CPLANE1: variants seen among roughly 807,000 people sequenced by gnomAD.
CPLANE1 encodes ciliogenesis and planar polarity effector 1.
Under a neutral mutation model 362.5 loss-of-function variants are expected in CPLANE1, and 263 were observed. That is an observed-to-expected ratio of 0.73 (90% confidence interval 0.66 to 0.80). CPLANE1 has a LOEUF of 0.80. CPLANE1 is among the 30% of genes least tolerant of loss of function. CPLANE1 has a pLI of 0.00. For missense variants in CPLANE1, 3,461 were observed against 3,793.4 expected (o/e 0.91, Z 2.30); for synonymous variants, 1,212 against 1,302.6 (o/e 0.93, Z 1.50).
intron 8 of CPLANE1, among the ~76,000 whole-genome samples, chr5:37,235,870 CTTTTTTT>C (rs748794675): frequency 1.7e-5 from 2 of 119,376 alleles, no homozygotes; most frequent in South Asian, 5.5e-4. Flanking sequence ...GTGCCCAGCA[CTTTTTTT>C]TTTTTTTTTT....
chr5:37,191,338 C>T (rs990169499), intron 21 of CPLANE1, among the ~76,000 whole-genome samples: 5 of 151,996 alleles, frequency 3.3e-5, no homozygotes, highest in East Asian at 1.9e-4. Context: ...TTTAGACCAG[C>T]GTGAGCAACA....
rs1370814314 is a variant in CPLANE1 at position 37,245,864 on chromosome 5, G to A, written c.82-19C>T. The A allele has an allele frequency of 1.0e-5, 15 of 1,500,038 alleles. No individual in the cohort carries two copies. Among genetic ancestry groups the A allele is most frequent in the Non-Finnish European group, 1.1e-5 (12 of 1,127,916 alleles). The allele number at this position is 1,500,038 out of a possible 1,614,324, so 92.9% of individuals were successfully genotyped here. ...CTTTTTCCTAAGAGAAGAAACATGT[G>A]AAGGACTCAAGAGGTGCCAGAAATT... is the stretch of plus-strand genomic sequence containing the variant. On this transcript the variant is annotated intron_variant, in intron 2 of 52. Coordinates refer to ENST00000651892, the MANE Select transcript of CPLANE1 (RefSeq NM_001384732.1).
the CPLANE1 span, among the ~76,000 whole-genome samples, chr5:37,099,802 C>G: frequency 1.3e-5 from 2 of 151,936 alleles, no homozygotes; most frequent in African/African-American, 4.8e-5. Flanking sequence ...CTCACCAGCA[C>G]CTGTTGTTTC....
chr5:37,169,256 T>C lies in CPLANE1; in HGVS notation c.6768A>G (p.Gln2256=), dbSNP rs763211445. Residue 2256 remains glutamine (Q), a synonymous_variant, in exon 34 of 53, where the codon CAA becomes CAG. Transcript: ENST00000651892. ...CAGATAATCCCCAAGCCTCTCTTGG[T>C]TGTGGCAAAGGCCTGAAGGGAACTT... ...IPQVPFRPLP[Q]PREAWGLSDS... 6 of 1,614,074 alleles carry C rather than the reference T, an allele frequency of 3.7e-6. No individual in the cohort carries two copies. Among genetic ancestry groups the C allele is most frequent in the African/African-American group, 2.7e-5 (2 of 74,934 alleles).
chr5:37,233,328 A>T (rs1194464862), intron 8 of CPLANE1, among the ~76,000 whole-genome samples: 1 of 151,996 alleles, frequency 6.6e-6, no homozygotes, highest in Non-Finnish European at 1.5e-5. Context: ...TGAGACTGAG[A>T]TGTGAGCAGG....
In CPLANE1 at chr5:37,242,931, C is replaced by A. The variant is rs545640434; in HGVS notation, c.677+82G>T. On this transcript the variant is annotated intron_variant, in intron 6 of 52. Coordinates refer to ENST00000651892, the MANE Select transcript of CPLANE1 (RefSeq NM_001384732.1). ...GAGCTATGATTGTGCCACTACCCCCCAGTCTGGGTGACACAGCAAGACCCT... is the reference window on the plus strand; with the variant it reads ...GAGCTATGATTGTGCCACTACCCCCAAGTCTGGGTGACACAGCAAGACCCT... 10 of 858,584 alleles carry A rather than the reference C, an allele frequency of 1.2e-5. No homozygotes were observed. The African/African-American group carries it at 1.6e-4, about 14-fold the overall frequency. 53.2% of individuals were successfully genotyped at this position (858,584 alleles called of 1,614,324 possible).
At chr5:37,211,733 C>T in intron 16 of CPLANE1, 1 of 779,854 alleles carries the variant, frequency 1.3e-6, no homozygotes, top group Non-Finnish European at 2.4e-6. Context: ...CCTTCTCCAG[C>T]CCTCCGGAGC....
rs758322225 is a variant in CPLANE1, at chr5:37,167,203, GT to G, written c.7243del (p.Thr2415HisfsTer19). On this transcript the variant is annotated frameshift_variant, in exon 35 of 53. Coordinates refer to ENST00000651892, the MANE Select transcript of CPLANE1 (RefSeq NM_001384732.1). LOFTEE classifies it high-confidence loss of function. Reference sequence around the variant, plus strand: ...GAGGTTTTCAAGTGGGATAAGTTGTGTTTTTTTGCACTACAAGAAAGAAACA... The same window carrying G: ...GAGGTTTTCAAGTGGGATAAGTTGTGTTTTTTGCACTACAAGAAAGAAACA... ...HLSPENRCKK[T>X]QLIPLENLIA... The G allele has an allele frequency of 6.8e-6, 11 of 1,607,650 alleles. No homozygotes were observed. The highest frequency in any genetic ancestry group is 1.7e-5 in the Admixed American group (1 of 58,168).
At chr5:37,196,366 A>G (rs558135512) in intron 20 of CPLANE1, among the ~76,000 whole-genome samples, 1 of 152,320 alleles carries the variant, frequency 6.6e-6, no homozygotes, top group East Asian at 1.9e-4. Flanking sequence ...ATACAAAAAA[A>G]TTATGCCTAC....
intron 16 of CPLANE1, chr5:37,210,451 T>C: frequency 9.4e-7 from 1 of 1,061,130 alleles, no homozygotes; most frequent in South Asian, 1.3e-5. Flanking sequence ...GACTACATCA[T>C]TAGAACTAAT....
intron 24 of CPLANE1, among the ~76,000 whole-genome samples, 200 bp from the exon 25 acceptor site, chr5:37,185,279 T>C (rs770124109): frequency 6.6e-6 from 1 of 151,794 alleles, no homozygotes; most frequent in Admixed American, 6.6e-5. Context: ...CTAAAGAAGG[T>C]CCATTAAAGA....
intron 46 of CPLANE1, chr5:37,130,460 C>A: frequency 4.6e-6 from 1 of 217,834 alleles, no homozygotes; most frequent in South Asian, 7.9e-5. Context: ...GGGCAGAAGT[C>A]CAGGAACGTA....
At position 37,142,341 on chromosome 5, in the gene CPLANE1, G is replaced by C. The variant is rs754005437; in HGVS notation, c.8601C>G (p.Ser2867=). 6 of 1,604,566 alleles carry C rather than the reference G, an allele frequency of 3.7e-6. No homozygotes were observed. Among genetic ancestry groups the C allele is most frequent in the African/African-American group, 1.3e-5 (1 of 74,214 alleles). The part of the protein sequence containing the change: ...FPTADSAVSL[S]SSSDQNTTSP... ...AAGTAGTATTCTGATCACTGGAACTGGAAAGGCTGACAGCTGAATCGGCAG... is the reference window on the plus strand; with the variant it reads ...AAGTAGTATTCTGATCACTGGAACTCGAAAGGCTGACAGCTGAATCGGCAG... The change falls in exon 44 of 53, where the codon TCC becomes TCG. Residue 2867 remains serine, a synonymous_variant. Transcript: ENST00000651892.
chr5:37,187,763 C>G lies in CPLANE1; in HGVS notation c.3891G>C (p.Gln1297His). 1 of 1,613,736 alleles carries G rather than the reference C, an allele frequency of 6.2e-7. No homozygotes were observed. The highest frequency in any genetic ancestry group is 8.5e-7 in the Non-Finnish European group (1 of 1,179,818). The change falls in exon 22 of 53, where the codon CAG becomes CAC. Residue 1297 changes from glutamine (Q) to histidine (H), a missense_variant. Transcript: ENST00000651892. Reference protein sequence around the residue: ...DKLSYSCRQYQKARENVKGEK... With the variant: ...DKLSYSCRQYHKARENVKGEK... The stretch of plus-strand genomic sequence containing the variant: ...CTCCTTTTACATTTTCTCTTGCTTT[C>G]TGATATTGCCTGCAACTATAGGATA...
chr5:37,171,745 ACTCTCTCTCTCTCTCTCT>A (rs56407367), intron 32 of CPLANE1, among the ~76,000 whole-genome samples: 24 of 128,432 alleles, frequency 1.9e-4, no homozygotes, highest in African/African-American at 6.2e-4. Flanking sequence ...TCTCTAGCTT[ACTCTCTCTCTCTCTCTCT>A]CTCTCTCTCT....
In CPLANE1 at chr5:37,226,869, G is replaced by T. The variant is rs1370751672; in HGVS notation, c.1726C>A (p.Leu576Ile). 2 of 1,551,222 alleles carry T rather than the reference G, an allele frequency of 1.3e-6. No individual in the cohort carries two copies. Among genetic ancestry groups the T allele is most frequent in the African/African-American group, 1.4e-5 (1 of 73,040 alleles). ...ITELHSIQKS[L>I]LAAWTIGISK... ...ATTCCTATAGTCCACGCTGCAAGTA[G>T]ACTTTTCTGGATAGAATGCAGTTCT... The change falls in exon 12 of 53, where the codon CTA becomes ATA. Residue 576 changes from leucine to isoleucine, a missense_variant. Leu to Ile is a conservative substitution (Grantham distance 5, BLOSUM62 2). This residue lies in a region of CPLANE1 where 3,380 missense variants were observed against 3,666.1 expected (regional missense o/e 0.92). Transcript: ENST00000651892.
chr5:37,206,084 T>A, intron 17 of CPLANE1, 113 bp downstream of exon 17: 1 of 749,342 alleles, frequency 1.3e-6, no homozygotes, highest in South Asian at 1.9e-5. Flanking sequence ...GAACGTTCCA[T>A]TGAACAATGC....
chr5:37,169,720 A>G (rs1444386872), intron 33 of CPLANE1, among the ~76,000 whole-genome samples, 159 bp from the exon 34 acceptor site: 1 of 152,048 alleles, frequency 6.6e-6, no homozygotes, highest in East Asian at 1.9e-4. Flanking sequence ...TGAACTACTC[A>G]GGACATTATT....
chr5:37,081,197 C>A, the CPLANE1 span, among the ~76,000 whole-genome samples: 2 of 152,034 alleles, frequency 1.3e-5, no homozygotes, highest in African/African-American at 2.4e-5. Context: ...AAACTATGAC[C>A]CAGAGTCCAG....
Sources: gnomAD v4.1 joint callset for allele counts (sites outside exome capture counted in the v4.1 genomes callset) on GRCh38, gnomAD v4.1.1 for gene constraint, gnomAD v4.1.1 regional missense constraint, MANE v1.5 for transcripts, NCBI Gene and HGNC (gene_info 2026-07-23, HGNC 2026-07-21) for gene names.